The following TEAD1 variants were observed in gnomAD, a reference collection of about 807,000 sequenced individuals.
TEAD1 encodes transcriptional enhancer factor TEF-1.
A neutral mutation model predicts 54.9 loss-of-function variants in TEAD1; 9 were observed. The ratio of observed to expected loss-of-function variants is 0.16; its 90% confidence interval spans 0.10 to 0.29. The LOEUF (loss-of-function observed/expected upper bound fraction) is 0.29. TEAD1 is among the 10% of genes least tolerant of loss of function. TEAD1 has a pLI of 1.00. For synonymous variants in TEAD1, 200 were observed against 187.8 expected (o/e 1.07, Z -0.53); for missense variants, 387 against 535.9 (o/e 0.72, Z 2.74).
chr11:12,731,976 C>T (rs1030050268), intron 2 of TEAD1, among the ~76,000 whole-genome samples: 2 of 152,146 alleles, frequency 1.3e-5, no homozygotes, highest in Non-Finnish European at 2.9e-5. Flanking sequence ...CCTGATAGTG[C>T]GTTAACTTTT....
At chr11:12,934,851 G>A (rs1387803259) in intron 12 of TEAD1, among the ~76,000 whole-genome samples, 1 of 152,178 alleles carries the variant, frequency 6.6e-6, no homozygotes, top group South Asian at 2.1e-4. Context: ...GGTCCTTCAG[G>A]ATGAAAGAGG....
At chr11:12,690,495 G>A (rs1340475600) in intron 2 of TEAD1, among the ~76,000 whole-genome samples, 2 of 152,114 alleles carry the variant, frequency 1.3e-5, no homozygotes, top group African/African-American at 4.8e-5. Flanking sequence ...TCTGGATTTT[G>A]CAGTTGTATC....
At position 12,844,151 on chromosome 11, in the gene TEAD1, C is replaced by CT. The variant is rs1033770321; in HGVS notation, c.203-18091dup. On this transcript the variant is annotated intron_variant, in intron 3 of 12. Transcript: ENST00000527636. ...TATTTTCACCCATCATGACTTAAAG[C>CT]TTTTTTTTGTTTTAGCATTTTAATG... is the stretch of plus-strand genomic sequence containing the variant. Among the ~76,000 whole-genome samples the CT allele has an allele frequency of 2.1e-3, 312 of 151,834 alleles. 3 individuals are homozygous for CT. Among genetic ancestry groups the CT allele is most frequent in the Non-Finnish European group, 3.3e-3 (227 of 67,924 alleles).
At chr11:12,725,205 G>A (rs2133870985) in intron 2 of TEAD1, among the ~76,000 whole-genome samples, 1 of 152,298 alleles carries the variant, frequency 6.6e-6, no homozygotes, top group Non-Finnish European at 1.5e-5. Flanking sequence ...AGGAAATCGA[G>A]GTGCACAGAG....
chr11:12,705,355 C>T (rs1039728198), intron 2 of TEAD1, among the ~76,000 whole-genome samples: 9 of 152,152 alleles, frequency 5.9e-5, no homozygotes, highest in South Asian at 2.1e-4. Flanking sequence ...TCAAAACCTG[C>T]GTGAAAATAG....
rs1012006752 is a variant in TEAD1 at position 12,883,143 on chromosome 11, G to A, written c.699+18G>A. ...CAGACTCGGTGAGTGTGCCCAGAGA[G>A]GTGTGTCTTGAATCCAGGATTTCTT... On this transcript the variant is annotated intron_variant, in intron 9 of 12. Coordinates refer to ENST00000527636, the MANE Select transcript of TEAD1 (RefSeq NM_021961.6). The A allele has an allele frequency of 6.2e-7, 1 of 1,614,002 alleles. No individual in the cohort carries two copies. The highest frequency in any genetic ancestry group is 1.3e-5 in the African/African-American group (1 of 74,916).
chr11:12,716,979 C>T (rs1027093257), intron 2 of TEAD1, among the ~76,000 whole-genome samples: 12 of 152,316 alleles, frequency 7.9e-5, no homozygotes, highest in Middle Eastern at 3.4e-3. Context: ...AGCTGGGATC[C>T]GAAGTAGTGG....
chr11:12,828,061 G>A (rs1347950916), intron 3 of TEAD1: 1 of 152,200 alleles, frequency 6.6e-6, no homozygotes, highest in Admixed American at 6.5e-5. Context: ...TGACCACAGT[G>A]GAGCTAGTTG....
chr11:12,917,466 G>A (rs1948735165), intron 10 of TEAD1, among the ~76,000 whole-genome samples: 1 of 152,174 alleles, frequency 6.6e-6, no homozygotes, highest in Non-Finnish European at 1.5e-5. Flanking sequence ...ATAATTTGTA[G>A]CAGAGAAAAT....
intron 3 of TEAD1, among the ~76,000 whole-genome samples, chr11:12,798,754 G>T (rs1442764111): frequency 1.3e-5 from 2 of 152,254 alleles, no homozygotes. Context: ...TGGTACAAAT[G>T]TTGTAAAACT....
intron 3 of TEAD1, chr11:12,822,807 A>G (rs1393536811): frequency 6.6e-6 from 1 of 152,200 alleles, no homozygotes; most frequent in African/African-American, 2.4e-5. Flanking sequence ...AGTAAGCCCA[A>G]CCCAGAGAAC....
intron 2 of TEAD1, among the ~76,000 whole-genome samples, chr11:12,747,776 TC>T (rs1285172901): frequency 6.6e-6 from 1 of 152,230 alleles, no homozygotes; most frequent in Non-Finnish European, 1.5e-5. Context: ...CTTTCATGGA[TC>T]ATCTCATTTA....
chr11:12,900,518 C>A (rs2134126807), intron 9 of TEAD1, among the ~76,000 whole-genome samples: 1 of 152,274 alleles, frequency 6.6e-6, no homozygotes, highest in Non-Finnish European at 1.5e-5. Flanking sequence ...TGTAACAATC[C>A]AGTGAAGTGA....
chr11:12,760,589 C>T (rs1054631364), intron 2 of TEAD1, among the ~76,000 whole-genome samples: 3 of 152,172 alleles, frequency 2.0e-5, no homozygotes, highest in African/African-American at 4.8e-5. Context: ...ATCAGCTCTG[C>T]AGGTACAGAC....
chr11:12,836,535 A>G (rs1564957812), intron 3 of TEAD1, among the ~76,000 whole-genome samples: 1 of 152,142 alleles, frequency 6.6e-6, no homozygotes, highest in Non-Finnish European at 1.5e-5. Context: ...TGGAATCGTT[A>G]TGTTGCGAGC....
intron 9 of TEAD1, among the ~76,000 whole-genome samples, chr11:12,898,377 A>G (rs1019481302): frequency 6.6e-6 from 1 of 151,566 alleles, no homozygotes; most frequent in African/African-American, 2.4e-5. Context: ...CATCTTAGCT[A>G]TAATTTATTG....
intron 3 of TEAD1, among the ~76,000 whole-genome samples, chr11:12,774,975 G>A (rs923222314): frequency 6.6e-6 from 1 of 151,978 alleles, no homozygotes; most frequent in Non-Finnish European, 1.5e-5. Flanking sequence ...CCCATCACAC[G>A]ACTTTACCCA....
chr11:12,698,934 T>C (rs1182255682), intron 2 of TEAD1, among the ~76,000 whole-genome samples: 1 of 152,238 alleles, frequency 6.6e-6, no homozygotes, highest in Admixed American at 6.5e-5. Context: ...ATGCAGAAAT[T>C]AGTTGTAAGT....
intron 3 of TEAD1, among the ~76,000 whole-genome samples, chr11:12,843,006 A>G (rs1039827094): frequency 6.6e-6 from 1 of 152,196 alleles, no homozygotes; most frequent in Non-Finnish European, 1.5e-5. Context: ...TCTGCTAGGC[A>G]GAGTAACAGC....
Sources: gnomAD v4.1 joint callset for allele counts (sites outside exome capture counted in the v4.1 genomes callset) on GRCh38, gnomAD v4.1.1 for gene constraint, MANE v1.5 for transcripts, NCBI Gene and HGNC (gene_info 2026-07-23, HGNC 2026-07-21) for gene names.